Variants in HMGCLL1 observed in about 807,000 individuals in gnomAD.
HMGCLL1 encodes 3-hydroxymethyl-3-methylglutaryl-CoA lyase, cytoplasmic.
In HMGCLL1, 36 loss-of-function variants were observed where a neutral mutation model predicts 39.1. That is an observed-to-expected ratio of 0.92 (90% CI 0.71 to 1.22). The LOEUF is 1.22. Ranked by LOEUF, HMGCLL1 falls within the 50% of genes most tolerant of loss-of-function variation. The probability of loss-of-function intolerance (pLI) is 0.00; values close to 1 mark genes in which losing one functional copy is unlikely to be tolerated. For synonymous variants in HMGCLL1, 149 were observed against 144.0 expected (o/e 1.03, Z -0.25); for missense variants, 451 against 416.5 (o/e 1.08, Z -0.72).
At chr6:55,566,169 G>A (rs2127473381) in intron 1 of HMGCLL1, among the ~76,000 whole-genome samples, 1 of 152,168 alleles carries the variant, frequency 6.6e-6, no homozygotes, top group East Asian at 1.9e-4. Flanking sequence ...CACCCAGTGG[G>A]TTACAGATGT....
chr6:55,521,061 C>T (rs1343890790), intron 3 of HMGCLL1, among the ~76,000 whole-genome samples: 1 of 152,016 alleles, frequency 6.6e-6, no homozygotes, highest in African/African-American at 2.4e-5. Context: ...CTTATCATGA[C>T]GTAATTAAAC....
chr6:55,487,258 T>A (rs1163547890), intron 7 of HMGCLL1, among the ~76,000 whole-genome samples: 2 of 152,072 alleles, frequency 1.3e-5, no homozygotes, highest in African/African-American at 4.8e-5. Context: ...ATTGCCCTGG[T>A]CAATCTAGTA....
At chr6:55,584,489 A>G in the HMGCLL1 span, among the ~76,000 whole-genome samples, 77 of 152,264 alleles carry the variant, frequency 5.1e-4, no homozygotes, top group Admixed American at 1.2e-3. Flanking sequence ...AATTACTACC[A>G]TATAATAAAT....
chr6:55,671,589 A>T, the HMGCLL1 span, among the ~76,000 whole-genome samples: 1 of 151,832 alleles, frequency 6.6e-6, no homozygotes, highest in African/African-American at 2.4e-5. Context: ...AAGACATATA[A>T]AAACTTAAAC....
Position 55,448,759 on chromosome 6 carries a change from C to T in HMGCLL1, c.796-9200G>A, listed in dbSNP as rs145569638. On this transcript the variant is annotated intron_variant, in intron 7 of 8. Transcript: ENST00000274901. Reference sequence around the variant, plus strand: ...GGCATAAAATAATTAGACCAGTGCTCCTGAAACTGTAATGAACATATGGTT... The same window carrying T: ...GGCATAAAATAATTAGACCAGTGCTTCTGAAACTGTAATGAACATATGGTT... 4.4e-3 allele frequency among the ~76,000 whole-genome samples: 667 copies of T among 152,252 alleles called. 14 individuals are homozygous for T. The highest frequency in any genetic ancestry group is 0.015 in the African/African-American group (643 of 41,540).
the HMGCLL1 span, among the ~76,000 whole-genome samples, chr6:55,594,744 T>C: frequency 2.0e-5 from 3 of 152,156 alleles, no homozygotes; most frequent in Admixed American, 6.5e-5. Flanking sequence ...TGATGGTCCC[T>C]TGGTTTAACA....
the HMGCLL1 span, among the ~76,000 whole-genome samples, chr6:55,592,202 G>T: frequency 6.6e-6 from 1 of 151,836 alleles, no homozygotes; most frequent in African/African-American, 2.4e-5. Context: ...TTCCTATTAG[G>T]AAGACATTCC....
At chr6:55,590,428 G>C in the HMGCLL1 span, among the ~76,000 whole-genome samples, 5 of 152,020 alleles carry the variant, frequency 3.3e-5, no homozygotes, top group Non-Finnish European at 7.4e-5. Flanking sequence ...TTAAATGTTA[G>C]ACCTAAAACC....
At chr6:55,475,875 G>C (rs1034427564) in intron 7 of HMGCLL1, among the ~76,000 whole-genome samples, 1 of 151,470 alleles carries the variant, frequency 6.6e-6, no homozygotes, top group African/African-American at 2.4e-5. Flanking sequence ...GTGTAGTGAT[G>C]CTTTTCTCAC....
the HMGCLL1 span, among the ~76,000 whole-genome samples, chr6:55,623,565 C>A: frequency 3.3e-5 from 5 of 151,472 alleles, no homozygotes; most frequent in Non-Finnish European, 5.9e-5. Context: ...CATATATATA[C>A]ACACACCACA....
chr6:55,524,292 A>T (rs1768194664), intron 3 of HMGCLL1, among the ~76,000 whole-genome samples: 1 of 150,668 alleles, frequency 6.6e-6, no homozygotes, highest in African/African-American at 2.5e-5. Flanking sequence ...TTATGAATTA[A>T]CCTCAGATGC....
the HMGCLL1 span, among the ~76,000 whole-genome samples, chr6:55,629,298 GC>G: frequency 1.3e-5 from 2 of 152,154 alleles, no homozygotes; most frequent in Non-Finnish European, 2.9e-5. Context: ...GCAGCATTTT[GC>G]CCCTGCCCTA....
intron 8 of HMGCLL1, among the ~76,000 whole-genome samples, chr6:55,435,977 A>C (rs981704824): frequency 1.1e-4 from 16 of 152,028 alleles, no homozygotes; most frequent in African/African-American, 3.9e-4. Context: ...CATATCTTTA[A>C]TCTGACCCTT....
chr6:55,474,709 A>C (rs944112541), intron 7 of HMGCLL1, among the ~76,000 whole-genome samples: 2 of 151,342 alleles, frequency 1.3e-5, no homozygotes, highest in African/African-American at 4.8e-5. Flanking sequence ...TTGTCGTTGA[A>C]AGCCTACACA....
At position 55,572,180 on chromosome 6, in the gene HMGCLL1, G is replaced by GAGAGAA. The variant is rs1771532976; in HGVS notation, c.108+6762_108+6767dup. ...GATAAACTGTAGGAAGACTTATAGA[G>GAGAGAA]AGAGAAAGAGAAAGAGAATGTACCC... is the stretch of plus-strand genomic sequence containing the variant. On this transcript the variant is annotated intron_variant, in intron 1 of 8. Coordinates refer to ENST00000274901, the MANE Select transcript of HMGCLL1 (RefSeq NM_001042406.2). 2.6e-5 allele frequency among the ~76,000 whole-genome samples: 4 copies of GAGAGAA among 152,000 alleles called. No individual in the cohort carries two copies. The South Asian group carries it at 8.3e-4, about 32-fold the overall frequency.
At chr6:55,443,495 T>C (rs781717261) in intron 7 of HMGCLL1, among the ~76,000 whole-genome samples, 30 of 152,144 alleles carry the variant, frequency 2.0e-4, no homozygotes, top group Non-Finnish European at 3.7e-4. Context: ...TAGTCTTAAT[T>C]GGCCTTTTGG....
intron 1 of HMGCLL1, among the ~76,000 whole-genome samples, chr6:55,547,341 T>C (rs1770038218): frequency 6.6e-6 from 1 of 152,036 alleles, no homozygotes; most frequent in Non-Finnish European, 1.5e-5. Context: ...TATGCTTGTG[T>C]GTAGCACACA....
At chr6:55,528,791 G>A (rs1768469098) in intron 3 of HMGCLL1, among the ~76,000 whole-genome samples, 1 of 151,854 alleles carries the variant, frequency 6.6e-6, no homozygotes, top group African/African-American at 2.4e-5. Flanking sequence ...CATTACCTTT[G>A]TGTACTAAGG....
At chr6:55,642,950 G>A in the HMGCLL1 span, among the ~76,000 whole-genome samples, 5 of 151,912 alleles carry the variant, frequency 3.3e-5, no homozygotes, top group African/African-American at 9.7e-5. Flanking sequence ...CTCCATCCAC[G>A]TTCCTGCAAA....
Sources: gnomAD v4.1 joint callset for allele counts (sites outside exome capture counted in the v4.1 genomes callset) on GRCh38, gnomAD v4.1.1 for gene constraint, MANE v1.5 for transcripts, NCBI Gene and HGNC (gene_info 2026-07-23, HGNC 2026-07-21) for gene names.